Variants in ZFAT observed in about 807,000 individuals in gnomAD.
ZFAT encodes zinc finger and AT-hook domain containing.
ZFAT carries 64 observed loss-of-function variants against 117.7 expected under a neutral mutation model. The observed-to-expected ratio is 0.54, with a 90% CI of 0.44 to 0.67. The LOEUF (loss-of-function observed/expected upper bound fraction) is 0.67. Ranked by LOEUF, ZFAT falls within the 30% of genes least tolerant of loss-of-function variation. ZFAT has a pLI of 0.00. For synonymous variants in ZFAT, 679 were observed against 615.0 expected, an observed-to-expected ratio of 1.10 and a Z score of -1.54; for missense variants, 1,433 against 1,584.5, an observed-to-expected ratio of 0.90 and a Z score of 1.62.
intron 1 of ZFAT, among the ~76,000 whole-genome samples, chr8:134,658,705 A>G (rs1831774340): frequency 1.3e-5 from 2 of 152,256 alleles, no homozygotes; most frequent in South Asian, 4.1e-4. Flanking sequence ...TTCAATAACA[A>G]TTAAAAGCCA....
At chr8:134,728,734 G>A in the ZFAT span, among the ~76,000 whole-genome samples, 1 of 152,212 alleles carries the variant, frequency 6.6e-6, no homozygotes, top group Non-Finnish European at 1.5e-5. Flanking sequence ...TTGCATTTCT[G>A]AGCAAGGCTT....
intron 11 of ZFAT, among the ~76,000 whole-genome samples, chr8:134,556,324 C>A (rs1198671141): frequency 6.6e-6 from 1 of 151,890 alleles, no homozygotes; most frequent in Admixed American, 6.6e-5. Context: ...GCTATTAGTG[C>A]CTCACATATA....
intron 11 of ZFAT, among the ~76,000 whole-genome samples, chr8:134,548,376 G>A (rs1192534515): frequency 1.3e-5 from 2 of 152,180 alleles, no homozygotes; most frequent in Non-Finnish European, 2.9e-5. Context: ...TGAGAAGTGG[G>A]AAGAGCAGGT....
chr8:134,623,708 C>G (rs1180361993), intron 3 of ZFAT, among the ~76,000 whole-genome samples: 1 of 152,168 alleles, frequency 6.6e-6, no homozygotes, highest in East Asian at 1.9e-4. Flanking sequence ...GCATCAGCCT[C>G]CTCTGTGTCT....
intron 3 of ZFAT, among the ~76,000 whole-genome samples, chr8:134,614,989 A>T (rs190503394): frequency 5.4e-4 from 82 of 152,254 alleles, no homozygotes; most frequent in Middle Eastern, 6.8e-3. Context: ...AAGAGTGAAA[A>T]ATATGAGAGA....
chr8:134,589,014 G>A (rs1361183174), intron 8 of ZFAT, among the ~76,000 whole-genome samples: 1 of 152,220 alleles, frequency 6.6e-6, no homozygotes, highest in East Asian at 1.9e-4. Flanking sequence ...GAAGAAAAGT[G>A]TGTGTGGTAG....
At chr8:134,553,739 T>C (rs7008158) in intron 11 of ZFAT, among the ~76,000 whole-genome samples, 53,607 of 152,000 alleles carry the variant, frequency 0.35, 9,760 homozygotes, top group East Asian at 0.67. Flanking sequence ...GCCCTCTTTA[T>C]TTACTTCCTG....
the ZFAT span, among the ~76,000 whole-genome samples, chr8:134,808,631 C>G: frequency 1.3e-5 from 2 of 152,230 alleles, no homozygotes; most frequent in Admixed American, 1.3e-4. Context: ...TGAAAACAAC[C>G]AAATGGAACA....
the ZFAT span, among the ~76,000 whole-genome samples, chr8:134,774,924 C>T: frequency 6.6e-6 from 1 of 151,612 alleles, no homozygotes; most frequent in Non-Finnish European, 1.5e-5. Flanking sequence ...CAAGACCAGC[C>T]TGACCAAGAT....
At chr8:134,595,419 C>G (rs1826852551) in intron 7 of ZFAT, among the ~76,000 whole-genome samples, 1 of 152,014 alleles carries the variant, frequency 6.6e-6, no homozygotes, top group East Asian at 1.9e-4. Flanking sequence ...GCAGTCCTCA[C>G]AGCCCAAAGA....
chr8:134,557,239 GC>G (rs1220563467), intron 11 of ZFAT, among the ~76,000 whole-genome samples: 1 of 152,148 alleles, frequency 6.6e-6, no homozygotes, highest in Non-Finnish European at 1.5e-5. Flanking sequence ...TAAAAGGTCA[GC>G]AAATCCAAAC....
At chr8:134,781,910 A>G in the ZFAT span, among the ~76,000 whole-genome samples, 1 of 152,244 alleles carries the variant, frequency 6.6e-6, no homozygotes, top group Non-Finnish European at 1.5e-5. Context: ...AGAGTATATA[A>G]TACATATAGC....
chr8:134,713,186 T>G, upstream of ZFAT: 3 of 237,594 alleles, frequency 1.3e-5, no homozygotes, highest in East Asian at 7.8e-5. Context: ...ACTTCACGGA[T>G]TCCGCTGCGC....
chr8:134,541,947 C>A (rs77172920), intron 11 of ZFAT, among the ~76,000 whole-genome samples: 1,743 of 152,320 alleles, frequency 0.011, 36 homozygotes, highest in African/African-American at 0.039. Context: ...ACCTCATTCA[C>A]CACCTTCTAC....
chr8:134,699,188 G>A lies in ZFAT; in HGVS notation c.19+13657C>T, dbSNP rs117655405. ...AGCCAGGGTCCACACCTGAGAGCAGGTCAAACCCACCACAAGGGCAAACAG... is the reference window on the plus strand; with the variant it reads ...AGCCAGGGTCCACACCTGAGAGCAGATCAAACCCACCACAAGGGCAAACAG... On this transcript the variant is annotated intron_variant, in intron 1 of 15. Coordinates refer to ENST00000377838, the MANE Select transcript of ZFAT (RefSeq NM_020863.4). 1.4e-3 allele frequency among the ~76,000 whole-genome samples: 209 copies of A among 152,236 alleles called. 4 individuals are homozygous for A. In the East Asian group the frequency reaches 0.029, roughly 21 times the overall value.
chr8:134,524,243 T>C (rs1271261939), intron 12 of ZFAT, among the ~76,000 whole-genome samples: 1 of 152,134 alleles, frequency 6.6e-6, no homozygotes, highest in Non-Finnish European at 1.5e-5. Flanking sequence ...CGGTCTATCT[T>C]CCCCTTTCCT....
intron 1 of ZFAT, among the ~76,000 whole-genome samples, chr8:134,684,154 A>C (rs1002985694): frequency 6.6e-6 from 1 of 152,112 alleles, no homozygotes; most frequent in African/African-American, 2.4e-5. Context: ...GGACATTGAA[A>C]GGGACAGAGG....
chr8:134,573,840 G>A (rs181403108), intron 10 of ZFAT, among the ~76,000 whole-genome samples: 2 of 152,332 alleles, frequency 1.3e-5, no homozygotes, highest in African/African-American at 2.4e-5. Context: ...CCTTTGCAGC[G>A]CTGCCTGGGC....
At chr8:134,772,998 G>A in the ZFAT span, among the ~76,000 whole-genome samples, 1 of 151,526 alleles carries the variant, frequency 6.6e-6, no homozygotes, top group Admixed American at 6.6e-5. Context: ...GGGCCGAGGT[G>A]TGGGAGGATT....
Sources: gnomAD v4.1 joint callset for allele counts (sites outside exome capture counted in the v4.1 genomes callset) on GRCh38, gnomAD v4.1.1 for gene constraint, MANE v1.5 for transcripts, NCBI Gene and HGNC (gene_info 2026-07-23, HGNC 2026-07-21) for gene names.